The following KCNH7 variants were observed in gnomAD, a reference collection of about 807,000 sequenced individuals.
KCNH7 encodes the protein potassium voltage-gated channel subfamily H member 7, also known as voltage-gated inwardly rectifying potassium channel KCNH7.
KCNH7 carries 49 observed loss-of-function variants against 120.8 expected under a neutral mutation model. The ratio of observed to expected loss-of-function variants is 0.41; its 90% confidence interval spans 0.32 to 0.51. The LOEUF (loss-of-function observed/expected upper bound fraction) is 0.51, where lower values mean the gene tolerates loss of function less well. KCNH7 is among the 20% of genes least tolerant of loss of function. KCNH7 has a pLI of 0.38. For missense variants in KCNH7, 1,097 were observed against 1,446.6 expected (o/e 0.76, Z 3.92); for synonymous variants, 547 against 516.1 (o/e 1.06, Z -0.81).
chr2:162,655,632 GA>G (rs71956950), intron 2 of KCNH7, among the ~76,000 whole-genome samples: 27,347 of 146,856 alleles, frequency 0.19, 3,359 homozygotes, highest in African/African-American at 0.34. Flanking sequence ...TAAAAATAAA[GA>G]AAAAAAAAAA....
intron 2 of KCNH7, among the ~76,000 whole-genome samples, chr2:162,593,030 A>T (rs545689518): frequency 3.7e-4 from 57 of 152,220 alleles, no homozygotes; most frequent in African/African-American, 1.3e-3. Context: ...TAAAGGAACT[A>T]TATCATTTAT....
At chr2:162,742,494 A>G in intron 2 of KCNH7, among the ~76,000 whole-genome samples, 1 of 152,258 alleles carries the variant, frequency 6.6e-6, no homozygotes, top group African/African-American at 2.4e-5. Flanking sequence ...TGCACATTAC[A>G]CTTTTTATAT....
chr2:162,648,531 CCTCT>C (rs566680925), intron 2 of KCNH7, among the ~76,000 whole-genome samples: 1 of 152,106 alleles, frequency 6.6e-6, no homozygotes, highest in African/African-American at 2.4e-5. Flanking sequence ...TTTCCAGTTT[CCTCT>C]CTCTCTACTT....
At chr2:162,831,065 G>C (rs572185568) in intron 2 of KCNH7, among the ~76,000 whole-genome samples, 1 of 152,242 alleles carries the variant, frequency 6.6e-6, no homozygotes, top group East Asian at 1.9e-4. Context: ...GTCTGATATA[G>C]GTACATCGAG....
At chr2:162,395,614 A>G (rs1335110006) in intron 11 of KCNH7, among the ~76,000 whole-genome samples, 2 of 151,754 alleles carry the variant, frequency 1.3e-5, no homozygotes, top group African/African-American at 4.8e-5. Flanking sequence ...GTGACATAAA[A>G]CTAAGATTGG....
chr2:162,763,027 GATA>G (rs1424806489), intron 2 of KCNH7, among the ~76,000 whole-genome samples: 2 of 152,044 alleles, frequency 1.3e-5, no homozygotes, highest in Middle Eastern at 3.2e-3. Flanking sequence ...ATAGAACAGA[GATA>G]ATGAGATCCA....
At chr2:162,653,725 A>T (rs927702769) in intron 2 of KCNH7, among the ~76,000 whole-genome samples, 2 of 152,220 alleles carry the variant, frequency 1.3e-5, no homozygotes, top group African/African-American at 4.8e-5. Context: ...AGTTGAAGGC[A>T]TCACACTACT....
intron 13 of KCNH7, 67 bp from the exon 14 acceptor site, chr2:162,380,088 A>G: frequency 1.3e-6 from 2 of 1,543,764 alleles, no homozygotes; most frequent in Non-Finnish European, 1.8e-6. Context: ...ATTCATAGAT[A>G]TCCACAAGAC....
At chr2:162,723,321 C>T (rs1687397198) in intron 2 of KCNH7, among the ~76,000 whole-genome samples, 1 of 152,138 alleles carries the variant, frequency 6.6e-6, no homozygotes, top group African/African-American at 2.4e-5. Context: ...ACAGGCCTCT[C>T]AAATCCTCTC....
chr2:162,404,997 G>T (rs1449158482), intron 9 of KCNH7, among the ~76,000 whole-genome samples: 2 of 151,932 alleles, frequency 1.3e-5, no homozygotes, highest in Non-Finnish European at 2.9e-5. Flanking sequence ...TAATACTAAT[G>T]ATTGTTCAAA....
chr2:162,607,438 T>G (rs1447414762), intron 2 of KCNH7, among the ~76,000 whole-genome samples: 2 of 151,864 alleles, frequency 1.3e-5, no homozygotes, highest in East Asian at 3.9e-4. Context: ...CTATGAATAG[T>G]GATTATTTGT....
chr2:162,704,058 G>T (rs1433453433), intron 2 of KCNH7, among the ~76,000 whole-genome samples: 1 of 152,078 alleles, frequency 6.6e-6, no homozygotes, highest in Non-Finnish European at 1.5e-5. Context: ...ACATTTTAAA[G>T]GGTTACAGTG....
chr2:162,549,137 T>C (rs1692580664), intron 2 of KCNH7, among the ~76,000 whole-genome samples: 1 of 152,200 alleles, frequency 6.6e-6, no homozygotes, highest in South Asian at 2.1e-4. Flanking sequence ...TTATCCCTTA[T>C]GAAAATTTAC....
At chr2:162,783,882 A>G (rs568264147) in intron 2 of KCNH7, among the ~76,000 whole-genome samples, 1 of 152,210 alleles carries the variant, frequency 6.6e-6, no homozygotes, top group East Asian at 1.9e-4. Context: ...TTTGAAATGT[A>G]AAAAAATGTC....
chr2:162,404,120 G>C (rs1437717121), intron 9 of KCNH7, among the ~76,000 whole-genome samples: 1 of 151,834 alleles, frequency 6.6e-6, no homozygotes. Flanking sequence ...TACCAGTCCT[G>C]GCAGATCTGG....
intron 6 of KCNH7, among the ~76,000 whole-genome samples, chr2:162,485,458 C>T (rs2105695480): frequency 6.6e-6 from 1 of 152,240 alleles, no homozygotes; most frequent in South Asian, 2.1e-4. Flanking sequence ...TTAGAAAATA[C>T]TTTTGCTTCA....
At chr2:162,766,724 A>T (rs1006922355) in intron 2 of KCNH7, among the ~76,000 whole-genome samples, 1 of 152,132 alleles carries the variant, frequency 6.6e-6, no homozygotes, top group African/African-American at 2.4e-5. Context: ...ATATCTTAAA[A>T]ATTCAACATA....
At chr2:162,408,179 C>A (rs1278239054) in intron 9 of KCNH7, among the ~76,000 whole-genome samples, 9 of 151,978 alleles carry the variant, frequency 5.9e-5, no homozygotes, top group Admixed American at 5.9e-4. Flanking sequence ...AATAGTTAGA[C>A]ATAAAATGTT....
At chr2:162,464,528 T>C (rs1242166299) in intron 6 of KCNH7, among the ~76,000 whole-genome samples, 4 of 152,034 alleles carry the variant, frequency 2.6e-5, no homozygotes. Context: ...TCTAGCCTAA[T>C]AATTGTGTAA....
Sources: allele counts gnomAD v4.1 joint callset (sites outside exome capture counted in the v4.1 genomes callset), GRCh38; gene constraint gnomAD v4.1.1; transcripts MANE v1.5; gene names NCBI Gene and HGNC (gene_info 2026-07-23, HGNC 2026-07-21).